The following CLSTN1 variants were observed in gnomAD, a reference collection of about 807,000 sequenced individuals.
The protein encoded by CLSTN1 is calsyntenin-1.
Under a neutral mutation model 108.3 loss-of-function variants are expected in CLSTN1, and 28 were observed. The observed-to-expected ratio is 0.26, with a 90% CI of 0.19 to 0.35. The LOEUF (loss-of-function observed/expected upper bound fraction) is 0.35. Among genes scored for constraint, CLSTN1 ranks in the 10% least tolerant of loss-of-function variants. CLSTN1 has a pLI of 1.00. For synonymous variants in CLSTN1, 524 were observed against 534.9 expected (o/e 0.98, Z 0.28); for missense variants, 1,157 against 1,302.6 (o/e 0.89, Z 1.72).
In CLSTN1 at chr1:9,729,357, C is replaced by CTT. The variant is rs1229837927; in HGVS notation, c.*1150_*1151insAA. 1.3e-5 allele frequency: 2 copies of CTT among 152,546 alleles called. No individual in the cohort carries two copies. The highest frequency in any genetic ancestry group is 1.3e-4 in the Admixed American group (2 of 15,282). The allele number at this position is 152,546 out of a possible 1,614,324, so 9.4% of individuals were successfully genotyped here. A position where few individuals can be genotyped will look rare whatever the true frequency, so the allele number is the denominator to read the frequency against. The stretch of plus-strand genomic sequence containing the variant: ...CCATGACTGTTTGTTTGCTCTCCTG[C>CTT]CCTACCACCAAGCAAAGCAGCAGGG... On this transcript the variant is annotated 3_prime_UTR_variant, in exon 19 of 19. Transcript: ENST00000377298.
At position 9,803,231 on chromosome 1, in the gene CLSTN1, G is replaced by A. The variant is rs190429205; in HGVS notation, c.91+20412C>T. On this transcript the variant is annotated intron_variant, in intron 1 of 18. Transcript: ENST00000377298. ...AAAGCAAAGGATTCTATCATAAAAG[G>A]GAGGAAAGGATTAGATAACCTCTCA... 2.5e-3 allele frequency among the ~76,000 whole-genome samples: 386 copies of A among 152,248 alleles called. 3 individuals are homozygous for A. Among genetic ancestry groups the A allele is most frequent in the African/African-American group, 8.8e-3 (365 of 41,550 alleles).
At chr1:9,777,046 C>G (rs899886551) in intron 1 of CLSTN1, among the ~76,000 whole-genome samples, 1 of 151,738 alleles carries the variant, frequency 6.6e-6, no homozygotes, top group African/African-American at 2.4e-5. Context: ...GTGAAACCCT[C>G]CTGTCTTTAC....
chr1:9,732,895 A>C (rs914892887), intron 16 of CLSTN1, among the ~76,000 whole-genome samples: 1 of 152,258 alleles, frequency 6.6e-6, no homozygotes, highest in Non-Finnish European at 1.5e-5. Flanking sequence ...TGCTCTTTCT[A>C]AAACAGTGTC....
intron 1 of CLSTN1, among the ~76,000 whole-genome samples, chr1:9,775,559 A>C (rs4845976): frequency 0.92 from 140,229 of 151,968 alleles, 64,838 homozygotes; most frequent in African/African-American, 0.98. Context: ...TCCCTGAGCC[A>C]GCAGTATCTC....
chr1:9,802,094 G>A (rs979027379), intron 1 of CLSTN1, among the ~76,000 whole-genome samples: 8 of 152,128 alleles, frequency 5.3e-5, no homozygotes, highest in African/African-American at 1.4e-4. Context: ...GAGGCATGTA[G>A]AGATTAAGTA....
Position 9,730,665 on chromosome 1 carries a change from T to C in CLSTN1, c.2789A>G (p.Glu930Gly). Residue 930 changes from glutamate to glycine, a missense_variant, in exon 19 of 19, where the codon GAG becomes GGG. Transcript: ENST00000377298. The surrounding 1 kb of genome is among the most constrained non-coding windows in gnomAD (Gnocchi z 5.6). ...DQHSSEEEEE[E>G]EEEEESEDGE... ...GTCCTCGCTTTCCTCTTCCTCTTCC[T>C]CTTCCTCCTCCTCCTCACTGCTGTG... 6.2e-7 allele frequency: 1 copy of C among 1,609,962 alleles called. No homozygotes were observed. Among genetic ancestry groups the C allele is most frequent in the South Asian group, 1.1e-5 (1 of 91,020 alleles).
intron 4 of CLSTN1, among the ~76,000 whole-genome samples, chr1:9,753,092 G>T (rs558979488): frequency 6.6e-6 from 1 of 152,228 alleles, no homozygotes; most frequent in South Asian, 2.1e-4. Context: ...TTTCTCCACA[G>T]ATGGGGGTGG....
intron 1 of CLSTN1, among the ~76,000 whole-genome samples, chr1:9,813,368 G>A (rs1654844598): frequency 6.6e-6 from 1 of 151,674 alleles, no homozygotes; most frequent in Non-Finnish European, 1.5e-5. Context: ...GCTTGCTGGT[G>A]CATGTCTGTA....
At chr1:9,811,001 AT>A (rs1481561390) in intron 1 of CLSTN1, among the ~76,000 whole-genome samples, 3 of 152,160 alleles carry the variant, frequency 2.0e-5, no homozygotes, top group Admixed American at 2.0e-4. Context: ...CCACTGCCAT[AT>A]GCATTACTTT....
intron 1 of CLSTN1, among the ~76,000 whole-genome samples, chr1:9,780,143 C>T (rs956565750): frequency 2.0e-5 from 3 of 152,178 alleles, no homozygotes; most frequent in African/African-American, 7.2e-5. Context: ...GCATGAGCCA[C>T]GGCATCCGGC....
chr1:9,816,224 G>A (rs1047035735), intron 1 of CLSTN1, among the ~76,000 whole-genome samples: 2 of 152,184 alleles, frequency 1.3e-5, no homozygotes, highest in Non-Finnish European at 1.5e-5. Context: ...GATGAACCTT[G>A]AAGACATCAT....
intron 2 of CLSTN1, among the ~76,000 whole-genome samples, chr1:9,759,113 T>C (rs1393249158): frequency 6.6e-6 from 1 of 152,126 alleles, no homozygotes; most frequent in Non-Finnish European, 1.5e-5. Flanking sequence ...GCACAGCAAG[T>C]CCCACTGGAC....
chr1:9,775,500 C>T (rs1467918893), intron 1 of CLSTN1, among the ~76,000 whole-genome samples: 4 of 151,984 alleles, frequency 2.6e-5, no homozygotes, highest in Non-Finnish European at 4.4e-5. Flanking sequence ...GCCTGGGGCT[C>T]GGCTCCTAAG....
At chr1:9,817,416 C>T (rs556442693) in intron 1 of CLSTN1, among the ~76,000 whole-genome samples, 37 of 152,272 alleles carry the variant, frequency 2.4e-4, no homozygotes, top group African/African-American at 8.7e-4. Context: ...CAACCTCCAC[C>T]TCCTGGGTTC....
chr1:9,799,153 C>T (rs1321024699), intron 1 of CLSTN1, among the ~76,000 whole-genome samples: 1 of 152,064 alleles, frequency 6.6e-6, no homozygotes, highest in Admixed American at 6.6e-5. Flanking sequence ...TGAACTCCAG[C>T]CTGGGTGACA....
At chr1:9,731,660 G>T in intron 17 of CLSTN1, 101 bp downstream of exon 17, 3 of 1,216,354 alleles carry the variant, frequency 2.5e-6, no homozygotes, top group South Asian at 2.5e-5. Flanking sequence ...GACAGGGAAA[G>T]ACCGGCGGTC....
At chr1:9,768,648 T>C (rs1470652096) in intron 2 of CLSTN1, among the ~76,000 whole-genome samples, 6 of 78,238 alleles carry the variant, frequency 7.7e-5, no homozygotes, top group African/African-American at 3.1e-4. Context: ...GGGTTCTGTG[T>C]TGGGTGGTAT....
intron 1 of CLSTN1, among the ~76,000 whole-genome samples, chr1:9,799,013 C>T (rs1654135342): frequency 6.6e-6 from 1 of 151,714 alleles, no homozygotes; most frequent in Non-Finnish European, 1.5e-5. Flanking sequence ...GACCTCATCT[C>T]TTACTAAATC....
chr1:9,765,105 A>T (rs79247203), intron 2 of CLSTN1, among the ~76,000 whole-genome samples: 3 of 152,172 alleles, frequency 2.0e-5, no homozygotes, highest in Non-Finnish European at 4.4e-5. Flanking sequence ...ATTTAAAAAA[A>T]TTGGGCCAGG....
Sources: gnomAD v4.1 joint callset for allele counts (sites outside exome capture counted in the v4.1 genomes callset) on GRCh38, gnomAD v4.1.1 for gene constraint, Gnocchi (gnomAD v3.1) non-coding constraint, MANE v1.5 for transcripts, NCBI Gene and HGNC (gene_info 2026-07-23, HGNC 2026-07-21) for gene names.